HNF4G: variants seen among roughly 807,000 people sequenced by gnomAD.
HNF4G encodes hepatocyte nuclear factor 4 gamma.
Under a neutral mutation model 50.9 loss-of-function variants are expected in HNF4G, and 21 were observed. The observed-to-expected ratio is 0.41, with a 90% confidence interval of 0.29 to 0.59. The LOEUF (loss-of-function observed/expected upper bound fraction) is 0.59. Among genes scored for constraint, HNF4G ranks in the 20% least tolerant of loss-of-function variants. The probability of loss-of-function intolerance (pLI) is 0.26; values close to 1 mark genes in which losing one functional copy is unlikely to be tolerated. For missense variants in HNF4G, 527 were observed against 559.4 expected (o/e 0.94, Z 0.58); for synonymous variants, 198 against 185.6 (o/e 1.07, Z -0.54).
intron 1 of HNF4G, among the ~76,000 whole-genome samples, chr8:75,430,089 T>G (rs1015849780): frequency 3.3e-5 from 5 of 151,338 alleles, no homozygotes; most frequent in African/African-American, 1.2e-4. Flanking sequence ...AGGCAGAGAT[T>G]GCAGTGAGCC....
chr8:75,438,728 T>C (rs375589498), intron 1 of HNF4G, among the ~76,000 whole-genome samples: 1 of 152,148 alleles, frequency 6.6e-6, no homozygotes, highest in East Asian at 1.9e-4. Flanking sequence ...AAAAACAATA[T>C]ATATAAAAGA....
chr8:75,462,975 TG>T (rs1409308929), intron 1 of HNF4G, among the ~76,000 whole-genome samples: 1 of 152,030 alleles, frequency 6.6e-6, no homozygotes, highest in Non-Finnish European at 1.5e-5. Context: ...AAACATTTTG[TG>T]GGCCTTATTT....
chr8:75,451,644 A>G (rs1226819555), intron 1 of HNF4G, among the ~76,000 whole-genome samples: 1 of 152,148 alleles, frequency 6.6e-6, no homozygotes, highest in African/African-American at 2.4e-5. Flanking sequence ...ATGAAAATCA[A>G]TTGATCCTAA....
chr8:75,497,105 G>C (rs565578506), intron 2 of HNF4G, among the ~76,000 whole-genome samples: 14 of 152,158 alleles, frequency 9.2e-5, no homozygotes, highest in African/African-American at 3.1e-4. Flanking sequence ...GATGAGAAGG[G>C]CTTGAGGACT....
intron 9 of HNF4G, among the ~76,000 whole-genome samples, chr8:75,562,979 T>G (rs556741900): frequency 6.6e-6 from 1 of 152,304 alleles, no homozygotes; most frequent in African/African-American, 2.4e-5. Context: ...AAAATTTTGC[T>G]TCTAAGTAAT....
chr8:75,450,452 C>T (rs76407659), intron 1 of HNF4G, among the ~76,000 whole-genome samples: 5,769 of 152,208 alleles, frequency 0.038, 132 homozygotes, highest in South Asian at 0.055. Flanking sequence ...AATAGATACA[C>T]GGTAGTCAGA....
chr8:75,526,804 T>C (rs1242529805), intron 2 of HNF4G, among the ~76,000 whole-genome samples: 1 of 151,428 alleles, frequency 6.6e-6, no homozygotes. Context: ...TCTCGTTCTG[T>C]CGCCCGGGCT....
At chr8:75,461,574 G>T (rs1048882444) in intron 1 of HNF4G, among the ~76,000 whole-genome samples, 2 of 152,138 alleles carry the variant, frequency 1.3e-5, no homozygotes, top group African/African-American at 4.8e-5. Context: ...GGGCAACTGT[G>T]AGAGGCCATT....
intron 2 of HNF4G, among the ~76,000 whole-genome samples, chr8:75,510,439 C>T (rs1000058143): frequency 2.0e-5 from 3 of 152,214 alleles, no homozygotes; most frequent in African/African-American, 7.2e-5. Context: ...TAAGACTTCA[C>T]ATTCACTCAC....
intron 2 of HNF4G, among the ~76,000 whole-genome samples, chr8:75,501,242 CCA>C (rs1812918569): frequency 6.6e-6 from 1 of 152,000 alleles, no homozygotes; most frequent in African/African-American, 2.4e-5. Context: ...GGGTTTGAGA[CCA>C]GCCTGGGCAA....
At chr8:75,413,858 A>C (rs1461413466) in intron 1 of HNF4G, among the ~76,000 whole-genome samples, 1 of 142,284 alleles carries the variant, frequency 7.0e-6, no homozygotes, top group Non-Finnish European at 1.6e-5. Context: ...CTTTGTCTAA[A>C]AGATTTAAAA....
At chr8:75,493,061 A>T (rs990830473) in intron 2 of HNF4G, among the ~76,000 whole-genome samples, 2 of 152,116 alleles carry the variant, frequency 1.3e-5, no homozygotes, top group African/African-American at 4.8e-5. Flanking sequence ...ATATGTATGT[A>T]GTCATATACA....
intron 2 of HNF4G, among the ~76,000 whole-genome samples, chr8:75,513,790 T>C (rs1056343994): frequency 2.6e-5 from 4 of 151,602 alleles, no homozygotes; most frequent in African/African-American, 4.8e-5. Context: ...ATTTATATTT[T>C]TCTTAATTTT....
At position 75,553,216 on chromosome 8, in the gene HNF4G, A is replaced by G. The variant is rs1479719877; in HGVS notation, c.645+19A>G. On this transcript the variant is annotated intron_variant, in intron 5 of 9. Coordinates refer to ENST00000396423, the MANE Select transcript of HNF4G (RefSeq NM_004133.5). ...TGATCAGGTACACATTTAAAACTTT[A>G]TAAATGCTTTAAAAATGCTTCTTGA... is the stretch of plus-strand genomic sequence containing the variant. 1.3e-6 allele frequency: 2 copies of G among 1,588,892 alleles called. No homozygotes were observed. The highest frequency in any genetic ancestry group is 2.2e-5 in the East Asian group (1 of 44,620).
intron 1 of HNF4G, among the ~76,000 whole-genome samples, chr8:75,452,523 T>C (rs1289971823): frequency 1.3e-5 from 2 of 151,966 alleles, no homozygotes; most frequent in African/African-American, 2.4e-5. Flanking sequence ...ATCGAGACCA[T>C]CCTGGCTAAC....
chr8:75,448,992 T>G (rs1433166833), intron 1 of HNF4G, among the ~76,000 whole-genome samples: 1 of 152,152 alleles, frequency 6.6e-6, no homozygotes, highest in Admixed American at 6.6e-5. Context: ...TAGCATAATT[T>G]CACAAAAACT....
intron 9 of HNF4G, among the ~76,000 whole-genome samples, chr8:75,561,026 T>C (rs1807297865): frequency 6.6e-6 from 1 of 152,132 alleles, no homozygotes; most frequent in African/African-American, 2.4e-5. Context: ...GTTTGACCAG[T>C]TCTTGTCACC....
At chr8:75,547,773 A>G in intron 3 of HNF4G, 92 bp downstream of exon 3, 1 of 815,482 alleles carries the variant, frequency 1.2e-6, no homozygotes. Context: ...TTTTTACATG[A>G]GTTCTAATTT....
At chr8:75,486,725 C>T (rs1250939955) in intron 1 of HNF4G, among the ~76,000 whole-genome samples, 1 of 152,082 alleles carries the variant, frequency 6.6e-6, no homozygotes, top group Non-Finnish European at 1.5e-5. Context: ...ACTGAGTAGC[C>T]AGGCATGGTG....
Sources: gnomAD v4.1 joint callset for allele counts (sites outside exome capture counted in the v4.1 genomes callset) on GRCh38, gnomAD v4.1.1 for gene constraint, MANE v1.5 for transcripts, NCBI Gene and HGNC (gene_info 2026-07-23, HGNC 2026-07-21) for gene names.